Variants in XKR5 observed in about 807,000 individuals in gnomAD.
XKR5 encodes the protein XK related 5.
XKR5 carries 46 observed loss-of-function variants against 40.8 expected under a neutral mutation model. The observed-to-expected ratio is 1.13, with a 90% CI of 0.89 to 1.44. XKR5 has a LOEUF of 1.44. Among genes scored for constraint, XKR5 ranks in the 40% most tolerant of loss-of-function variants. XKR5 has a pLI of 0.00. For synonymous variants in XKR5, 466 were observed against 356.1 expected, an observed-to-expected ratio of 1.31 and a Z score of -3.48; for missense variants, 1,169 against 844.7, an observed-to-expected ratio of 1.38 and a Z score of -4.76.
intron 2 of XKR5, among the ~76,000 whole-genome samples, chr8:6,830,638 G>T (rs1170763443): frequency 6.6e-6 from 1 of 151,608 alleles, no homozygotes; most frequent in Non-Finnish European, 1.5e-5. Flanking sequence ...TTTCTTTTTT[G>T]TTCTTTTAAG....
chr8:6,826,196 AC>A (rs1227095326), intron 2 of XKR5, among the ~76,000 whole-genome samples: 46 of 152,046 alleles, frequency 3.0e-4, no homozygotes, highest in Non-Finnish European at 4.0e-4. Context: ...AGTGTGCAAA[AC>A]ATATGCATAT....
chr8:6,826,165 ATGTATGCATGTG>A lies in XKR5; in HGVS notation c.243-828_243-817del, dbSNP rs371063636. On this transcript the variant is annotated intron_variant, in intron 2 of 6. Transcript: ENST00000618742. ...TGTGTGTGTATGTATCTGCATGTGC[ATGTATGCATGTG>A]TGTGTGCAAGTGTGCAAAACATATG... is the stretch of plus-strand genomic sequence containing the variant. Among the ~76,000 whole-genome samples, 802 of 152,262 alleles carry A rather than the reference ATGTATGCATGTG, an allele frequency of 5.3e-3. 4 individuals are homozygous for A. The highest frequency in any genetic ancestry group is 0.019 in the African/African-American group (773 of 41,534).
In XKR5 at chr8:6,832,724, A is replaced by G. The variant is rs746604913; in HGVS notation, c.235T>C (p.Trp79Arg). 1.9e-6 allele frequency: 3 copies of G among 1,612,940 alleles called. No individual in the cohort carries two copies. The highest frequency in any genetic ancestry group is 2.5e-6 in the Non-Finnish European group (3 of 1,179,554). Residue 79 changes from tryptophan to arginine, a missense_variant, in exon 2 of 7, where the codon TGG (tryptophan) becomes CGG (arginine). Physicochemically the swap from Trp to Arg is moderately radical, Grantham distance 101. Coordinates refer to ENST00000618742, the MANE Select transcript of XKR5 (RefSeq NM_207411.5). ...AGAGGCAGCTGTTCTTACCGCTTCC[A>G]AACACCAAGCTGTAGGAGGTGCAGC... ...MMLHLLQLGVWKRHWDAALTS... is the reference protein window; with the variant it reads ...MMLHLLQLGVRKRHWDAALTS...
In XKR5 at chr8:6,809,659, T is replaced by C. The variant is rs1054942582; in HGVS notation, c.*1539A>G. 1.3e-5 allele frequency: 2 copies of C among 152,242 alleles called. No homozygotes were observed. Among genetic ancestry groups the C allele is most frequent in the Admixed American group, 6.5e-5 (1 of 15,282 alleles). 9.4% of individuals were successfully genotyped at this position (152,242 alleles called of 1,614,324 possible). A position where few individuals can be genotyped will look rare whatever the true frequency, so the allele number is the denominator to read the frequency against. On this transcript the variant is annotated 3_prime_UTR_variant, in exon 7 of 7. Coordinates refer to ENST00000618742, the MANE Select transcript of XKR5 (RefSeq NM_207411.5). ...CTTGTCTGCATCCCCGATTGGCTTA[T>C]GTGGCTGGCCAGGAGGATGCTGATG...
intron 6 of XKR5, 91 bp downstream of exon 6, chr8:6,815,716 T>G: frequency 1.1e-6 from 1 of 873,362 alleles, no homozygotes; most frequent in Non-Finnish European, 1.8e-6. Flanking sequence ...TAACCACATC[T>G]GAACTCAGTT....
chr8:6,820,715 G>T (rs1361523599), intron 5 of XKR5, among the ~76,000 whole-genome samples: 1 of 152,218 alleles, frequency 6.6e-6, no homozygotes, highest in Non-Finnish European at 1.5e-5. Context: ...GGACGCTGAG[G>T]TTGGTGAGGC....
At chr8:6,820,341 G>A (rs1200815511) in intron 5 of XKR5, among the ~76,000 whole-genome samples, 1 of 152,228 alleles carries the variant, frequency 6.6e-6, no homozygotes, top group Admixed American at 6.5e-5. Context: ...TCTTGACTCA[G>A]TGATCTAGTG....
At chr8:6,818,142 G>T (rs538794380) in intron 5 of XKR5, among the ~76,000 whole-genome samples, 3 of 152,290 alleles carry the variant, frequency 2.0e-5, no homozygotes, top group African/African-American at 7.2e-5. Context: ...TTTAACTAGC[G>T]CAGGGCTTTT....
In XKR5 at chr8:6,823,785, C is replaced by T. The variant is rs1278318250; in HGVS notation, c.428-55G>A. 13 of 1,419,886 alleles carry T rather than the reference C, an allele frequency of 9.2e-6. No homozygotes were observed. The Admixed American group carries it at 1.6e-4, about 17-fold the overall frequency. 88.0% of individuals were successfully genotyped at this position (1,419,886 alleles called of 1,614,324 possible). ...CTCTGAAGATTCCGAAGTAACAGTA[C>T]CTTGTGAAGATTCACTCATGGCATT... On this transcript the variant is annotated intron_variant, in intron 3 of 6. Coordinates refer to ENST00000618742, the MANE Select transcript of XKR5 (RefSeq NM_207411.5).
chr8:6,825,349 C>A lies in XKR5; in HGVS notation c.243G>T (p.Arg81=). 6.5e-7 allele frequency: 1 copy of A among 1,547,088 alleles called. No homozygotes were observed. Among genetic ancestry groups the A allele is most frequent in the Non-Finnish European group, 8.7e-7 (1 of 1,152,124 alleles). The change falls in exon 3 of 7, where the codon CGG becomes CGT. Residue 81 remains arginine (R), a splice_region_variant and synonymous_variant. Transcript: ENST00000618742. Reference sequence around the variant, plus strand: ...GACTGGTCAGTGCAGCGTCCCAGTGCCTAGGGAACAGCAGAGGGCACGTGA... The same window carrying A: ...GACTGGTCAGTGCAGCGTCCCAGTGACTAGGGAACAGCAGAGGGCACGTGA... The part of the protein sequence containing the change: ...LHLLQLGVWK[R]HWDAALTSLQ...
chr8:6,820,894 T>A (rs182245463), intron 5 of XKR5, among the ~76,000 whole-genome samples: 1 of 152,322 alleles, frequency 6.6e-6, no homozygotes, highest in African/African-American at 2.4e-5. Flanking sequence ...TACCCTGGAA[T>A]GCCTGACTCC....
chr8:6,832,749 C>T lies in XKR5; in HGVS notation c.210G>A (p.Met70Ile), dbSNP rs1409597905. ...AAACACCAAGCTGTAGGAGGTGCAG[C>T]ATCATCAAGGAGCAATGCCCTGGAT... ...DGHPGHCSLM[M>I]LHLLQLGVWK... Residue 70 changes from methionine (M) to isoleucine (I), a missense_variant, in exon 2 of 7, where the codon ATG becomes ATA. Met to Ile is a conservative substitution (Grantham distance 10). Coordinates refer to ENST00000618742, the MANE Select transcript of XKR5 (RefSeq NM_207411.5). 1.9e-6 allele frequency: 3 copies of T among 1,613,400 alleles called. No individual in the cohort carries two copies. The highest frequency in any genetic ancestry group is 2.5e-6 in the Non-Finnish European group (3 of 1,179,698).
rs770804615 is a variant in XKR5, at chr8:6,835,515, C to G, written c.-22G>C. 1 of 1,489,962 alleles carries G rather than the reference C, an allele frequency of 6.7e-7. No homozygotes were observed. The allele number at this position is 1,489,962 out of a possible 1,614,324, so 92.3% of individuals were successfully genotyped here. On this transcript the variant is annotated 5_prime_UTR_variant, in exon 1 of 7. Transcript: ENST00000618742. Reference sequence around the variant, plus strand: ...GCATCTTCCGTGCCGACCCCGCAGCCTGCGCCCGCCCCTTCCCCTGCACGC... The same window carrying G: ...GCATCTTCCGTGCCGACCCCGCAGCGTGCGCCCGCCCCTTCCCCTGCACGC...
rs1431192374 is a variant in XKR5, at chr8:6,832,785, T to G, written c.174A>C (p.Arg58=). ...LVQALSYLWF[R]ADGHPGHCSL... ...AGCAATGCCCTGGATGCCCGTCTGCTCGGAACCACAGGTAGCTCAGGGCCT... is the reference window on the plus strand; with the variant it reads ...AGCAATGCCCTGGATGCCCGTCTGCGCGGAACCACAGGTAGCTCAGGGCCT... The change falls in exon 2 of 7, where the codon CGA becomes CGC. Residue 58 remains arginine (R), a synonymous_variant. Coordinates refer to ENST00000618742, the MANE Select transcript of XKR5 (RefSeq NM_207411.5). The G allele has an allele frequency of 3.7e-6, 6 of 1,613,114 alleles. No individual in the cohort carries two copies. Among genetic ancestry groups the G allele is most frequent in the Non-Finnish European group, 5.1e-6 (6 of 1,179,602 alleles).
At chr8:6,826,787 G>A (rs958648670) in intron 2 of XKR5, among the ~76,000 whole-genome samples, 1 of 152,136 alleles carries the variant, frequency 6.6e-6, no homozygotes, top group Non-Finnish European at 1.5e-5. Context: ...AAGGGGCCTG[G>A]ATACGAAAGG....
Position 6,818,250 on chromosome 8 carries a change from G to A in XKR5, c.808-2332C>T, listed in dbSNP as rs115819581. Among the ~76,000 whole-genome samples the A allele has an allele frequency of 5.5e-3, 843 of 152,290 alleles. 5 individuals are homozygous for A. Among genetic ancestry groups the A allele is most frequent in the African/African-American group, 0.019 (791 of 41,532 alleles). On this transcript the variant is annotated intron_variant, in intron 5 of 6. Transcript: ENST00000618742. Reference sequence around the variant, plus strand: ...GCAGCTTTGCCTGAAACGTTCTAGCGCCGTCCACACCTTTTCTTCAGGTGA... The same window carrying A: ...GCAGCTTTGCCTGAAACGTTCTAGCACCGTCCACACCTTTTCTTCAGGTGA...
intron 1 of XKR5, among the ~76,000 whole-genome samples, 170 bp from the exon 2 acceptor site, chr8:6,833,070 G>A (rs1804844941): frequency 6.6e-6 from 1 of 152,162 alleles, no homozygotes; most frequent in African/African-American, 2.4e-5. Flanking sequence ...ATTTCAGCTA[G>A]CAAAGGGCCC....
chr8:6,821,792 AC>A, intron 5 of XKR5, 76 bp downstream of exon 5: 2 of 1,293,776 alleles, frequency 1.5e-6, no homozygotes, highest in Non-Finnish European at 2.1e-6. Context: ...ACACACACAC[AC>A]CCCCCACACA....
At chr8:6,825,095 T>C (rs1162574935) in intron 3 of XKR5, 70 bp downstream of exon 3, 1 of 1,579,816 alleles carries the variant, frequency 6.3e-7, no homozygotes, top group Non-Finnish European at 8.6e-7. Flanking sequence ...AGGGTTTTGC[T>C]AAACAGGCTC....
Sources: gnomAD v4.1 joint callset for allele counts (sites outside exome capture counted in the v4.1 genomes callset) on GRCh38, gnomAD v4.1.1 for gene constraint, MANE v1.5 for transcripts, NCBI Gene and HGNC (gene_info 2026-07-23, HGNC 2026-07-21) for gene names.